The following UBAC2 variants were observed in gnomAD, a reference collection of about 807,000 sequenced individuals.
The protein encoded by UBAC2 is ubiquitin-associated domain-containing protein 2.
A neutral mutation model predicts 44.0 loss-of-function variants in UBAC2; 26 were observed. The observed-to-expected ratio is 0.59, with a 90% confidence interval of 0.43 to 0.82. The LOEUF (loss-of-function observed/expected upper bound fraction) is 0.82, where lower values mean the gene tolerates loss of function less well. UBAC2 is among the 40% of genes least tolerant of loss of function. The probability of loss-of-function intolerance (pLI) is 0.00; values close to 1 mark genes in which losing one functional copy is unlikely to be tolerated. For synonymous variants in UBAC2, 155 were observed against 154.3 expected, an observed-to-expected ratio of 1.00 and a Z score of -0.04; for missense variants, 329 against 419.4, an observed-to-expected ratio of 0.78 and a Z score of 1.88.
At chr13:99,210,271 G>A (rs1168600605) in intron 1 of UBAC2, among the ~76,000 whole-genome samples, 1 of 152,174 alleles carries the variant, frequency 6.6e-6, no homozygotes, top group Non-Finnish European at 1.5e-5. Context: ...TCAGTGCAAT[G>A]TAGGAAAGCA....
chr13:99,286,626 A>G (rs1022934318), intron 4 of UBAC2, among the ~76,000 whole-genome samples: 3 of 152,044 alleles, frequency 2.0e-5, no homozygotes, highest in Middle Eastern at 3.2e-3. Flanking sequence ...AGTACCCCAT[A>G]TGTGGCTTTT....
At chr13:99,219,877 G>A (rs952207465) in intron 1 of UBAC2, among the ~76,000 whole-genome samples, 2 of 152,096 alleles carry the variant, frequency 1.3e-5, no homozygotes, top group African/African-American at 4.8e-5. Flanking sequence ...GTTCATCTAT[G>A]TTGTAGCATG....
intron 7 of UBAC2, among the ~76,000 whole-genome samples, chr13:99,345,450 A>G (rs2044960090): frequency 6.6e-6 from 1 of 152,132 alleles, no homozygotes. Flanking sequence ...GGCTGGGCTG[A>G]TGCTGTACTC....
At chr13:99,314,503 G>A (rs2044461162) in intron 5 of UBAC2, among the ~76,000 whole-genome samples, 1 of 152,174 alleles carries the variant, frequency 6.6e-6, no homozygotes, top group Non-Finnish European at 1.5e-5. Context: ...AATTGCATGT[G>A]CGTACTTTTT....
intron 7 of UBAC2, among the ~76,000 whole-genome samples, chr13:99,356,474 C>T (rs907858987): frequency 1.3e-5 from 2 of 152,252 alleles, no homozygotes; most frequent in African/African-American, 4.8e-5. Context: ...GCCATGGAAA[C>T]TGCCTTCTGT....
At chr13:99,274,411 A>T (rs2043856627) in intron 4 of UBAC2, among the ~76,000 whole-genome samples, 1 of 148,730 alleles carries the variant, frequency 6.7e-6, no homozygotes, top group Admixed American at 6.7e-5. Flanking sequence ...AGCAGCCTCG[A>T]CCTCCTGGGC....
In UBAC2 at chr13:99,203,972, G is replaced by A. The variant is rs140859469; in HGVS notation, c.31+3033G>A. ...TGTCTGCAATTATGACCGGGTAAAA[G>A]TGCGTAGGATTAGTGATCATGACTT... is the stretch of plus-strand genomic sequence containing the variant. On this transcript the variant is annotated intron_variant, in intron 1 of 8. Coordinates refer to ENST00000403766, the MANE Select transcript of UBAC2 (RefSeq NM_001144072.2). 7.3e-3 allele frequency among the ~76,000 whole-genome samples: 1,114 copies of A among 152,320 alleles called. 10 individuals carry two copies. Among genetic ancestry groups the A allele is most frequent in the South Asian group, 0.054 (262 of 4,818 alleles).
At chr13:99,250,741 T>TTTTTTTC (rs2043447727) in intron 4 of UBAC2, among the ~76,000 whole-genome samples, 1 of 149,496 alleles carries the variant, frequency 6.7e-6, no homozygotes, top group African/African-American at 2.5e-5. Flanking sequence ...TCATCTTTGA[T>TTTTTTTC]TTTTTTCTTT....
intron 4 of UBAC2, among the ~76,000 whole-genome samples, chr13:99,281,195 A>T (rs1325673900): frequency 6.7e-6 from 1 of 149,958 alleles, no homozygotes; most frequent in Non-Finnish European, 1.5e-5. Context: ...TCTCAAAAAA[A>T]ACAAAACAAA....
At chr13:99,241,388 T>C (rs2043298375) in intron 2 of UBAC2, among the ~76,000 whole-genome samples, 1 of 152,140 alleles carries the variant, frequency 6.6e-6, no homozygotes, top group Admixed American at 6.5e-5. Flanking sequence ...CAAAATGTGG[T>C]GTATACATAC....
chr13:99,384,691 G>A (rs1322083790), intron 8 of UBAC2, among the ~76,000 whole-genome samples: 5 of 152,268 alleles, frequency 3.3e-5, no homozygotes, highest in South Asian at 2.1e-4. Context: ...CCAGGAGTGC[G>A]ATGCCAGGGC....
At chr13:99,243,748 A>G in intron 2 of UBAC2, 84 bp from the exon 3 acceptor site, 1 of 1,201,262 alleles carries the variant, frequency 8.3e-7, no homozygotes, top group Non-Finnish European at 1.2e-6. Flanking sequence ...AAAAATAGGC[A>G]GTGTAAACAT....
At chr13:99,316,399 TTGAATGAATGAATGAATGGATGAA>T (rs2044490618) in intron 5 of UBAC2, among the ~76,000 whole-genome samples, 1 of 152,096 alleles carries the variant, frequency 6.6e-6, no homozygotes, top group South Asian at 2.1e-4. Flanking sequence ...AGGGACATTG[TTGAATGAATGAATGAATGGATGAA>T]TGAATGAATG....
rs2044156295 is a variant in UBAC2, at chr13:99,295,484, C to T, written c.390-18613C>T. The T allele has an allele frequency of 1.2e-6, 2 of 1,613,900 alleles. No homozygotes were observed. The highest frequency in any genetic ancestry group is 8.5e-7 in the Non-Finnish European group (1 of 1,179,982). On this transcript the variant is annotated intron_variant, in intron 4 of 8. Coordinates refer to ENST00000403766, the MANE Select transcript of UBAC2 (RefSeq NM_001144072.2). This position sits in a 1 kb window ranked among gnomAD's most constrained non-coding sequence, Gnocchi z 4.1. ...TTGTTTGGCAGTTCTGAAGAGTTTG[C>T]AGCAGATCTGAGAATAGCAGATGAG... is the stretch of plus-strand genomic sequence containing the variant.
At chr13:99,341,429 G>A (rs906038122) in intron 7 of UBAC2, among the ~76,000 whole-genome samples, 7 of 142,936 alleles carry the variant, frequency 4.9e-5, no homozygotes, top group Non-Finnish European at 9.1e-5. Flanking sequence ...GGGGGGGGGA[G>A]GAAGGGGGCA....
intron 6 of UBAC2, among the ~76,000 whole-genome samples, chr13:99,339,701 T>C (rs2044854703): frequency 6.6e-6 from 1 of 152,120 alleles, no homozygotes; most frequent in Admixed American, 6.5e-5. Context: ...ATAGGAAGCC[T>C]TGAGACTTCT....
intron 6 of UBAC2, among the ~76,000 whole-genome samples, chr13:99,339,378 A>G (rs775569244): frequency 3.3e-5 from 5 of 152,150 alleles, no homozygotes; most frequent in Non-Finnish European, 5.9e-5. Context: ...AAATAGTTTT[A>G]TGTGTTGACT....
chr13:99,249,444 A>G (rs547447250), intron 4 of UBAC2, among the ~76,000 whole-genome samples: 1 of 152,236 alleles, frequency 6.6e-6, no homozygotes, highest in Admixed American at 6.5e-5. Context: ...TCCATTGCTG[A>G]TGGGCACTTA....
intron 1 of UBAC2, among the ~76,000 whole-genome samples, chr13:99,237,554 C>T (rs528476785): frequency 1.6e-4 from 25 of 152,168 alleles, no homozygotes; most frequent in South Asian, 4.2e-4. Context: ...AGAAATAAGA[C>T]GGTGTTCAGT....
Sources: gnomAD v4.1 joint callset for allele counts (sites outside exome capture counted in the v4.1 genomes callset) on GRCh38, gnomAD v4.1.1 for gene constraint, Gnocchi (gnomAD v3.1) non-coding constraint, MANE v1.5 for transcripts, NCBI Gene and HGNC (gene_info 2026-07-23, HGNC 2026-07-21) for gene names.